SDK1: variants seen among roughly 807,000 people sequenced by gnomAD.
The protein encoded by SDK1 is protein sidekick-1.
A neutral mutation model predicts 245.5 loss-of-function variants in SDK1; 157 were observed. That is an observed-to-expected ratio of 0.64 (90% CI 0.56 to 0.73). The LOEUF is 0.73. SDK1 is among the 30% of genes least tolerant of loss of function. The pLI, the probability that SDK1 is intolerant of heterozygous loss-of-function variation, is 0.00. For missense variants in SDK1, 3,583 were observed against 3,002.3 expected, an observed-to-expected ratio of 1.19 and a Z score of -4.52; for synonymous variants, 1,647 against 1,278.5, an observed-to-expected ratio of 1.29 and a Z score of -6.15.
chr7:4,232,304 G>T (rs977224389), intron 40 of SDK1, among the ~76,000 whole-genome samples: 3 of 150,446 alleles, frequency 2.0e-5, no homozygotes, highest in African/African-American at 7.3e-5. Flanking sequence ...AGGCTGTCTA[G>T]CTCCAGGCTC....
intron 1 of SDK1, among the ~76,000 whole-genome samples, chr7:3,524,979 C>G (rs971076848): frequency 6.6e-6 from 1 of 151,968 alleles, no homozygotes; most frequent in African/African-American, 2.4e-5. Flanking sequence ...ACAGATTCAA[C>G]CAATTGTGGA....
intron 13 of SDK1, among the ~76,000 whole-genome samples, chr7:3,975,097 G>T (rs1782809831): frequency 6.6e-6 from 1 of 152,106 alleles, no homozygotes; most frequent in Admixed American, 6.5e-5. Flanking sequence ...GGGTTCCAAA[G>T]AGCCCAGGCG....
At chr7:3,598,441 G>C (rs182899236) in intron 1 of SDK1, among the ~76,000 whole-genome samples, 2 of 152,092 alleles carry the variant, frequency 1.3e-5, no homozygotes, top group Admixed American at 1.3e-4. Flanking sequence ...GCAATTGTTA[G>C]AAGTAATACA....
At chr7:3,747,814 T>G (rs1779669351) in intron 4 of SDK1, among the ~76,000 whole-genome samples, 1 of 151,600 alleles carries the variant, frequency 6.6e-6, no homozygotes, top group Non-Finnish European at 1.5e-5. Context: ...AGGTGTGAGG[T>G]AACCAGCAGC....
chr7:3,965,492 G>A (rs1362967674), intron 9 of SDK1, among the ~76,000 whole-genome samples: 1 of 152,100 alleles, frequency 6.6e-6, no homozygotes, highest in Non-Finnish European at 1.5e-5. Context: ...GAGGTTTTTT[G>A]CAAAATGAGT....
At position 3,969,298 on chromosome 7, in the gene SDK1, T is replaced by G. The variant is rs1159705490; in HGVS notation, c.1588T>G (p.Phe530Val). The change falls in exon 11 of 45, where the codon TTC becomes GTC. Residue 530 changes from phenylalanine (F) to valine (V), a missense_variant. Transcript: ENST00000404826. ...CAGTGGCTCTGTCCGGATTCCTAGG[T>G]TCATGCTTCTTGAATCGGGGGGTCT... ...LASGSVRIPRFMLLESGGLQI... is the reference protein window; with the variant it reads ...LASGSVRIPRVMLLESGGLQI... The G allele has an allele frequency of 2.5e-6, 4 of 1,610,904 alleles. No homozygotes were observed.
chr7:4,017,313 G>T lies in SDK1; in HGVS notation c.2563G>T (p.Val855Phe). ...GGCGTACAACGGGGCCGGTCTGGGC[G>T]TCTTCAGCAGGGCAGTGACCGAGTA... is the stretch of plus-strand genomic sequence containing the variant. ...VAAYNGAGLGVFSRAVTEYTL... is the reference protein window; with the variant it reads ...VAAYNGAGLGFFSRAVTEYTL... The change falls in exon 17 of 45, where the codon GTC (valine) becomes TTC (phenylalanine). Residue 855 changes from valine to phenylalanine, a missense_variant. Val to Phe is a conservative substitution (Grantham distance 50, BLOSUM62 -1). Transcript: ENST00000404826. 6.2e-7 allele frequency: 1 copy of T among 1,613,706 alleles called. No homozygotes were observed. The highest frequency in any genetic ancestry group is 8.5e-7 in the Non-Finnish European group (1 of 1,179,768).
chr7:4,193,576 C>T (rs1409081650), intron 35 of SDK1, among the ~76,000 whole-genome samples: 1 of 151,758 alleles, frequency 6.6e-6, no homozygotes, highest in Non-Finnish European at 1.5e-5. Context: ...TTCCAAGTTG[C>T]AGAGTCCCAT....
chr7:3,399,787 G>A (rs1375344530), intron 1 of SDK1, among the ~76,000 whole-genome samples: 3 of 151,938 alleles, frequency 2.0e-5, no homozygotes, highest in South Asian at 2.1e-4. Context: ...CTCTTTCCTC[G>A]GCTTGTATAT....
intron 1 of SDK1, among the ~76,000 whole-genome samples, chr7:3,523,591 C>G (rs1426301551): frequency 2.0e-5 from 3 of 152,062 alleles, no homozygotes; most frequent in Non-Finnish European, 4.4e-5. Flanking sequence ...CCTTTATTCT[C>G]TGCGGTACTC....
At chr7:3,611,106 G>T (rs989239011) in intron 1 of SDK1, among the ~76,000 whole-genome samples, 1 of 152,188 alleles carries the variant, frequency 6.6e-6, no homozygotes, top group African/African-American at 2.4e-5. Flanking sequence ...AGTAGAGAGA[G>T]ATAAGGTAAA....
chr7:3,521,082 T>A (rs558399330), intron 1 of SDK1, among the ~76,000 whole-genome samples: 66 of 152,318 alleles, frequency 4.3e-4, no homozygotes, highest in Non-Finnish European at 7.9e-4. Flanking sequence ...GAGTTCAGTT[T>A]CTTTGATTGT....
At chr7:4,175,683 A>G in intron 33 of SDK1, 92 bp from the exon 34 acceptor site, 2 of 1,047,268 alleles carry the variant, frequency 1.9e-6, no homozygotes, top group Non-Finnish European at 3.0e-6. Context: ...CATCCCAGTA[A>G]GGCACCTGTC....
In SDK1 at chr7:3,791,285, A is replaced by G. The variant is rs183240292; in HGVS notation, c.714-30165A>G. Among the ~76,000 whole-genome samples the G allele has an allele frequency of 2.0e-5, 3 of 152,292 alleles. No homozygotes were observed. In the East Asian group the frequency reaches 5.8e-4, roughly 29 times the overall value. On this transcript the variant is annotated intron_variant, in intron 4 of 44. Transcript: ENST00000404826. ...CTAGATGAATCCGCCTCGTGGAACT[A>G]CAGCCAGTGAGTAGGAGTTGTGGAA...
At position 4,265,294 on chromosome 7, in the gene SDK1, G is replaced by GGTCATCAC; in HGVS notation, c.6553_6560dup (p.Thr2188SerfsTer58). On this transcript the variant is annotated frameshift_variant, in exon 45 of 45. Coordinates refer to ENST00000404826, the MANE Select transcript of SDK1 (RefSeq NM_152744.4). LOFTEE classifies it high-confidence loss of function. ...CCGAGGCGGGCGCGCAGCTGCACCC[G>GGTCATCAC]GTCATCACCACGCAGAGCGCGGGCG... The GGTCATCAC allele has an allele frequency of 3.8e-6, 6 of 1,581,752 alleles. No homozygotes were observed. Among genetic ancestry groups the GGTCATCAC allele is most frequent in the Non-Finnish European group, 4.3e-6 (5 of 1,171,286 alleles).
At chr7:3,373,466 C>T (rs1476296779) in intron 1 of SDK1, among the ~76,000 whole-genome samples, 1 of 152,130 alleles carries the variant, frequency 6.6e-6, no homozygotes, top group Non-Finnish European at 1.5e-5. Context: ...ACATCTATCC[C>T]TTCTAAAAAG....
intron 13 of SDK1, among the ~76,000 whole-genome samples, chr7:3,980,048 A>G (rs1783275056): frequency 6.6e-6 from 1 of 152,168 alleles, no homozygotes; most frequent in South Asian, 2.1e-4. Flanking sequence ...TGTTTCCCCC[A>G]GAGTTATCAA....
intron 20 of SDK1, among the ~76,000 whole-genome samples, chr7:4,075,546 T>G (rs1780615315): frequency 6.6e-6 from 1 of 152,152 alleles, no homozygotes; most frequent in Non-Finnish European, 1.5e-5. Context: ...CTATGAGCTC[T>G]TTCCACCACT....
chr7:3,865,649 C>T (rs1399054067), intron 5 of SDK1, among the ~76,000 whole-genome samples: 2 of 151,934 alleles, frequency 1.3e-5, no homozygotes, highest in Admixed American at 1.3e-4. Context: ...ACTGGGACTA[C>T]AGGTGTGTAC....
Sources: gnomAD v4.1 joint callset for allele counts (sites outside exome capture counted in the v4.1 genomes callset) on GRCh38, gnomAD v4.1.1 for gene constraint, MANE v1.5 for transcripts, NCBI Gene and HGNC (gene_info 2026-07-23, HGNC 2026-07-21) for gene names.